ATF7IP: variants seen among roughly 807,000 people sequenced by gnomAD.
ATF7IP encodes the protein activating transcription factor 7 interacting protein, also known as activating transcription factor 7-interacting protein 1.
Under a neutral mutation model 106.4 loss-of-function variants are expected in ATF7IP, and 23 were observed. The ratio of observed to expected loss-of-function variants is 0.22; its 90% CI spans 0.16 to 0.31. The LOEUF is 0.31. Ranked by LOEUF, ATF7IP falls within the 10% of genes least tolerant of loss-of-function variation. ATF7IP has a pLI of 1.00. For synonymous variants in ATF7IP, 542 were observed against 539.0 expected (o/e 1.01, Z -0.08); for missense variants, 1,334 against 1,524.3 (o/e 0.88, Z 2.08).
At chr12:14,479,889 T>G (rs1245646162) in intron 12 of ATF7IP, among the ~76,000 whole-genome samples, 1 of 152,166 alleles carries the variant, frequency 6.6e-6, no homozygotes, top group Non-Finnish European at 1.5e-5. Flanking sequence ...TTATCTGTCT[T>G]TCTTTACATT....
chr12:14,467,130 T>G (rs1430645252), intron 10 of ATF7IP, among the ~76,000 whole-genome samples: 1 of 152,160 alleles, frequency 6.6e-6, no homozygotes, highest in Admixed American at 6.5e-5. Flanking sequence ...ACTACTTCTT[T>G]CCTGTATTAA....
intron 1 of ATF7IP, among the ~76,000 whole-genome samples, chr12:14,401,282 G>A (rs11055966): frequency 0.34 from 45,578 of 132,724 alleles, 8,334 homozygotes; most frequent in Admixed American, 0.47. Flanking sequence ...TGCAACCTCC[G>A]CCTCCTGGGG....
chr12:14,465,277 T>G (rs1943786624), intron 9 of ATF7IP, among the ~76,000 whole-genome samples: 1 of 152,030 alleles, frequency 6.6e-6, no homozygotes, highest in Non-Finnish European at 1.5e-5. Context: ...TGAAACTTCC[T>G]CATCTACTTT....
intron 9 of ATF7IP, among the ~76,000 whole-genome samples, chr12:14,464,728 AG>A (rs34982398): frequency 6.6e-6 from 1 of 152,202 alleles, no homozygotes; most frequent in Non-Finnish European, 1.5e-5. Flanking sequence ...ATAACGGGCA[AG>A]GAATGTTAGT....
At position 14,481,023 on chromosome 12, in the gene ATF7IP, A is replaced by G; in HGVS notation, c.3118A>G (p.Thr1040Ala). The G allele has an allele frequency of 6.2e-7, 1 of 1,613,972 alleles. No homozygotes were observed. ...LPTAPTTVNV[T>A]HRPVTQVTTR... ...ATTAGCTCCAACTACCGTGAATGTA[A>G]CACATCGTCCAGTAACTCAGGTGAC... The change falls in exon 13 of 15, where the codon ACA (threonine) becomes GCA (alanine). Residue 1040 changes from threonine to alanine, a missense_variant. By Grantham distance (58) the Thr-to-Ala change is moderately conservative. Coordinates refer to ENST00000261168, the MANE Select transcript of ATF7IP (RefSeq NM_018179.5).
chr12:14,373,379 C>T (rs1271544546), intron 1 of ATF7IP, among the ~76,000 whole-genome samples: 9 of 152,168 alleles, frequency 5.9e-5, no homozygotes, highest in African/African-American at 2.2e-4. Context: ...TAACATATGG[C>T]TTCCATCACT....
At chr12:14,495,536 C>T (rs555470138) in intron 13 of ATF7IP, among the ~76,000 whole-genome samples, 182 of 152,294 alleles carry the variant, frequency 1.2e-3, no homozygotes, top group African/African-American at 4.1e-3. Context: ...CGAACTACAG[C>T]ATGGGCCAGG....
intron 1 of ATF7IP, among the ~76,000 whole-genome samples, chr12:14,407,623 C>G (rs932616485): frequency 2.0e-5 from 3 of 152,196 alleles, no homozygotes; most frequent in Admixed American, 6.5e-5. Context: ...TAAGAAATTT[C>G]AAGTATTGTC....
intron 1 of ATF7IP, among the ~76,000 whole-genome samples, chr12:14,402,698 T>A (rs911593766): frequency 3.3e-5 from 5 of 151,174 alleles, no homozygotes. Flanking sequence ...AACCTCTGCC[T>A]CCTGGGTTCA....
intron 2 of ATF7IP, among the ~76,000 whole-genome samples, chr12:14,427,173 A>T (rs147938114): frequency 2.6e-5 from 4 of 152,136 alleles, no homozygotes; most frequent in African/African-American, 9.6e-5. Flanking sequence ...CCCAGGCTGG[A>T]GTACAGTGGC....
At chr12:14,404,092 G>A (rs1940414658) in intron 1 of ATF7IP, among the ~76,000 whole-genome samples, 2 of 150,784 alleles carry the variant, frequency 1.3e-5, no homozygotes, top group Admixed American at 6.6e-5. Context: ...ACCCTATCAG[G>A]AAGACAATAT....
At chr12:14,406,004 A>G (rs1940558696) in intron 1 of ATF7IP, among the ~76,000 whole-genome samples, 1 of 152,244 alleles carries the variant, frequency 6.6e-6, no homozygotes, top group Non-Finnish European at 1.5e-5. Flanking sequence ...TTTTAAAAGC[A>G]TTAAAACTAA....
At chr12:14,429,443 A>C (rs548586097) in intron 2 of ATF7IP, among the ~76,000 whole-genome samples, 3 of 152,170 alleles carry the variant, frequency 2.0e-5, no homozygotes, top group South Asian at 4.1e-4. Context: ...GAAGAGAAAA[A>C]TCTGTTTTAG....
At chr12:14,484,845 A>C (rs1004379532) in intron 13 of ATF7IP, among the ~76,000 whole-genome samples, 1 of 152,164 alleles carries the variant, frequency 6.6e-6, no homozygotes, top group Non-Finnish European at 1.5e-5. Flanking sequence ...GCTGCTGTGC[A>C]TGACCCGCTT....
rs1043660222 is a variant in ATF7IP, at chr12:14,385,969, C to T, written c.-8+20142C>T. On this transcript the variant is annotated intron_variant, in intron 1 of 14. Coordinates refer to ENST00000261168, the MANE Select transcript of ATF7IP (RefSeq NM_018179.5). ...CTCCTCCCAGTATCCAACTCTTTGA[C>T]ATTTTTAATGCTGCTTTGCTTCTTT... Among the ~76,000 whole-genome samples the T allele has an allele frequency of 5.3e-5, 8 of 152,190 alleles. No homozygotes were observed. In the East Asian group the frequency reaches 1.5e-3, roughly 29 times the overall value.
chr12:14,385,271 C>T, intron 1 of ATF7IP: 1 of 839,334 alleles, frequency 1.2e-6, no homozygotes, highest in Non-Finnish European at 1.8e-6. Flanking sequence ...ACATTGCAGC[C>T]ATCTTAATTA....
intron 1 of ATF7IP, among the ~76,000 whole-genome samples, chr12:14,421,486 T>C (rs1941505322): frequency 6.6e-6 from 1 of 152,162 alleles, no homozygotes; most frequent in African/African-American, 2.4e-5. Context: ...CTTCTGGTAG[T>C]TGCTTGGCTT....
At chr12:14,421,372 G>A (rs986488810) in intron 1 of ATF7IP, among the ~76,000 whole-genome samples, 2 of 152,178 alleles carry the variant, frequency 1.3e-5, no homozygotes, top group East Asian at 1.9e-4. Flanking sequence ...GAAGTTTATC[G>A]TCTCAGAGTT....
intron 5 of ATF7IP, among the ~76,000 whole-genome samples, chr12:14,445,255 T>C (rs1942900419): frequency 6.6e-6 from 1 of 152,056 alleles, no homozygotes; most frequent in Non-Finnish European, 1.5e-5. Context: ...TCCCAAAGTA[T>C]TGGGATTACA....
Sources: allele counts gnomAD v4.1 joint callset (sites outside exome capture counted in the v4.1 genomes callset), GRCh38; gene constraint gnomAD v4.1.1; transcripts MANE v1.5; gene names NCBI Gene and HGNC (gene_info 2026-07-23, HGNC 2026-07-21).